FREM3: variants seen among roughly 807,000 people sequenced by gnomAD.
FREM3 encodes FRAS1-related extracellular matrix protein 3.
FREM3 carries 105 observed loss-of-function variants against 129.1 expected under a neutral mutation model. That is an observed-to-expected ratio of 0.81 (90% CI 0.69 to 0.96). The LOEUF is 0.96. Ranked by LOEUF, FREM3 falls within the 40% of genes least tolerant of loss-of-function variation. FREM3 has a pLI of 0.00. For synonymous variants in FREM3, 1,014 were observed against 1,044.9 expected, an observed-to-expected ratio of 0.97 and a Z score of 0.57; for missense variants, 2,593 against 2,666.3, an observed-to-expected ratio of 0.97 and a Z score of 0.61.
rs1195476277 is a variant in FREM3, at chr4:143,696,231, G to A, written c.4445C>T (p.Pro1482Leu). The A allele has an allele frequency of 2.6e-6, 4 of 1,537,828 alleles. No individual in the cohort carries two copies. The highest frequency in any genetic ancestry group is 3.5e-6 in the Non-Finnish European group (4 of 1,147,052). Residue 1482 changes from proline to leucine, a missense_variant, in exon 1 of 8, where the codon CCC (proline) becomes CTC (leucine). This residue lies in a region of FREM3 where 2,276 missense variants were observed against 2,267.2 expected (regional missense o/e 1.00). Transcript: ENST00000329798. ...TTGAAGTTGAGTGAAAGAGGCAATG[G>A]GTTCCCCAGCATAGTCAGAACTTTC... ...HLESSDYAGE[P>L]IASFTQLQLA...
At chr4:143,615,271 T>C (rs1381106820) in intron 5 of FREM3, among the ~76,000 whole-genome samples, 1 of 152,216 alleles carries the variant, frequency 6.6e-6, no homozygotes, top group Non-Finnish European at 1.5e-5. Flanking sequence ...GGGGCACTTT[T>C]TACTTTCTCA....
In FREM3 at chr4:143,699,544, TGAA is replaced by T. The variant is rs1202593481; in HGVS notation, c.1129_1131del (p.Phe377del). ...TTCAGCTCCCTCAGCTCCTGCTGGG[TGAA>T]GAAGGAGACTGGAAGCCCTAGAGGG... On this transcript the variant is annotated inframe_deletion, in exon 1 of 8. Transcript: ENST00000329798. The surrounding 1 kb of genome is among the most constrained non-coding windows in gnomAD (Gnocchi z 4.2). 4.6e-6 allele frequency: 7 copies of T among 1,537,054 alleles called. No homozygotes were observed. The East Asian group carries it at 7.3e-5, about 16-fold the overall frequency.
intron 2 of FREM3, among the ~76,000 whole-genome samples, chr4:143,684,128 C>T (rs1740310274): frequency 6.6e-6 from 1 of 152,180 alleles, no homozygotes; most frequent in East Asian, 1.9e-4. Context: ...ACCCTGCCCA[C>T]TGCTGGTTCC....
At chr4:143,625,437 G>C (rs1404030100) in intron 3 of FREM3, among the ~76,000 whole-genome samples, 1 of 152,184 alleles carries the variant, frequency 6.6e-6, no homozygotes, top group African/African-American at 2.4e-5. Context: ...AAAGATACCC[G>C]AAGCTATAGA....
At chr4:143,580,290 C>T (rs760995865) in intron 7 of FREM3, among the ~76,000 whole-genome samples, 26 of 152,094 alleles carry the variant, frequency 1.7e-4, no homozygotes, top group Non-Finnish European at 3.2e-4. Flanking sequence ...TGAGACAGGA[C>T]GGCTGCCCAC....
At chr4:143,692,672 C>T (rs1304470203) in intron 2 of FREM3, among the ~76,000 whole-genome samples, 1 of 152,074 alleles carries the variant, frequency 6.6e-6, no homozygotes, top group Non-Finnish European at 1.5e-5. Flanking sequence ...TCTACCCCAT[C>T]CAGAAAGATT....
At chr4:143,686,022 A>G (rs1020230788) in intron 2 of FREM3, among the ~76,000 whole-genome samples, 1 of 152,182 alleles carries the variant, frequency 6.6e-6, no homozygotes, top group Non-Finnish European at 1.5e-5. Context: ...TATATATGAT[A>G]CAGAACCGCA....
chr4:143,625,948 C>T (rs941860472), intron 3 of FREM3, among the ~76,000 whole-genome samples: 3 of 152,154 alleles, frequency 2.0e-5, no homozygotes, highest in Non-Finnish European at 2.9e-5. Context: ...GGATAATTTA[C>T]TTACACATAA....
intron 2 of FREM3, among the ~76,000 whole-genome samples, chr4:143,692,095 AT>A (rs574085580): frequency 7.9e-5 from 12 of 152,148 alleles, no homozygotes; most frequent in South Asian, 4.2e-4. Context: ...CTTTAAATTA[AT>A]TTTTTTTAAA....
chr4:143,590,652 G>A (rs913629538), intron 6 of FREM3, among the ~76,000 whole-genome samples: 6 of 152,164 alleles, frequency 3.9e-5, no homozygotes, highest in African/African-American at 1.4e-4. Context: ...GTATTTTATT[G>A]AGGATTTTTG....
chr4:143,683,753 A>G (rs1740301908), intron 2 of FREM3, among the ~76,000 whole-genome samples: 1 of 152,210 alleles, frequency 6.6e-6, no homozygotes, highest in African/African-American at 2.4e-5. Flanking sequence ...TGGGAGGCAG[A>G]TAGCCTGGGG....
At chr4:143,582,328 G>T (rs1738160862) in intron 7 of FREM3, among the ~76,000 whole-genome samples, 1 of 152,040 alleles carries the variant, frequency 6.6e-6, no homozygotes, top group Non-Finnish European at 1.5e-5. Context: ...GAGCCATGTG[G>T]CTGAGTAAGA....
chr4:143,687,012 A>AAAAAAT (rs1395898724), intron 2 of FREM3, among the ~76,000 whole-genome samples: 1 of 152,150 alleles, frequency 6.6e-6, no homozygotes, highest in African/African-American at 2.4e-5. Context: ...ACAAACAAAC[A>AAAAAAT]AAAAATACAA....
At chr4:143,682,560 G>A (rs1740274117) in intron 2 of FREM3, among the ~76,000 whole-genome samples, 1 of 152,136 alleles carries the variant, frequency 6.6e-6, no homozygotes, top group Non-Finnish European at 1.5e-5. Flanking sequence ...ACCGTGGAGT[G>A]TACTTTTCTT....
At chr4:143,662,030 CA>C (rs1318025535) in intron 2 of FREM3, among the ~76,000 whole-genome samples, 11 of 151,922 alleles carry the variant, frequency 7.2e-5, no homozygotes, top group African/African-American at 2.2e-4. Flanking sequence ...TTGATCCTTT[CA>C]AAAAACCAGC....
chr4:143,631,818 G>A (rs1051068286), intron 2 of FREM3, among the ~76,000 whole-genome samples: 1 of 152,030 alleles, frequency 6.6e-6, no homozygotes, highest in Non-Finnish European at 1.5e-5. Flanking sequence ...CAAGGGCATG[G>A]TACATTCTTA....
intron 6 of FREM3, among the ~76,000 whole-genome samples, chr4:143,610,617 A>G (rs1738739456): frequency 1.3e-5 from 2 of 152,168 alleles, no homozygotes; most frequent in South Asian, 4.1e-4. Context: ...GAGAGTAGTA[A>G]TAAAACAGTC....
chr4:143,634,732 A>ACT (rs5862647), intron 2 of FREM3, among the ~76,000 whole-genome samples: 149,068 of 152,134 alleles, frequency 0.98, 73,092 homozygotes, highest in Non-Finnish European at 1. Flanking sequence ...GGCCAGGGAA[A>ACT]CTGCTAAGAC....
intron 2 of FREM3, among the ~76,000 whole-genome samples, chr4:143,662,222 A>G (rs1330521420): frequency 6.6e-6 from 1 of 152,174 alleles, no homozygotes; most frequent in Admixed American, 6.5e-5. Context: ...TCTTGTGGGC[A>G]TTTAGTGCTA....
Sources: allele counts gnomAD v4.1 joint callset (sites outside exome capture counted in the v4.1 genomes callset), GRCh38; gene constraint gnomAD v4.1.1; regional missense constraint gnomAD v4.1.1; non-coding constraint Gnocchi (gnomAD v3.1); transcripts MANE v1.5; gene names NCBI Gene and HGNC (gene_info 2026-07-23, HGNC 2026-07-21).